Variants in HYLS1 observed in about 807,000 individuals in gnomAD.
HYLS1 encodes the protein centriolar and ciliogenesis-associated protein HYLS1.
Under a neutral mutation model 29.4 loss-of-function variants are expected in HYLS1, and 25 were observed. That is an observed-to-expected ratio of 0.85 (90% CI 0.62 to 1.19). The LOEUF (loss-of-function observed/expected upper bound fraction) is 1.19. HYLS1 is among the 50% of genes most tolerant of loss of function. The probability of loss-of-function intolerance (pLI) is 0.00; values close to 1 mark genes in which losing one functional copy is unlikely to be tolerated. For missense variants in HYLS1, 352 were observed against 365.1 expected (o/e 0.96, Z 0.29); for synonymous variants, 128 against 126.7 (o/e 1.01, Z -0.07).
chr11:125,891,084 C>T (rs1434212997), intron 1 of HYLS1, among the ~76,000 whole-genome samples: 1 of 152,096 alleles, frequency 6.6e-6, no homozygotes, highest in Non-Finnish European at 1.5e-5. Context: ...TAGTCCTTAC[C>T]ATGGGCCAGA....
intron 2 of HYLS1, among the ~76,000 whole-genome samples, chr11:125,898,444 G>A (rs1173816929): frequency 1.3e-5 from 2 of 152,200 alleles, no homozygotes; most frequent in East Asian, 3.8e-4. Flanking sequence ...GGAGGCCGAG[G>A]CGGGTGGGTT....
At chr11:125,885,512 T>A (rs192890749), upstream of HYLS1, among the ~76,000 whole-genome samples, 367 of 152,098 alleles carry the variant, frequency 2.4e-3, 1 homozygote, top group Non-Finnish European at 3.9e-3. Flanking sequence ...AGAATGCTGA[T>A]GTTCAAAGCT....
In HYLS1 at chr11:125,890,771, G is replaced by C. The variant is rs11220266; in HGVS notation, c.-75-652G>C. 8.0e-3 allele frequency among the ~76,000 whole-genome samples: 1,216 copies of C among 152,280 alleles called. 19 individuals are homozygous for C. Among genetic ancestry groups the C allele is most frequent in the African/African-American group, 0.025 (1,042 of 41,562 alleles). ...TGTTCGATCTTTTATATTAGAAAGA[G>C]AAGGAACTGACAGTTACCTATGGAC... On this transcript the variant is annotated intron_variant, in intron 1 of 2. Transcript: ENST00000425380.
At chr11:125,897,809 T>G (rs1328240350) in intron 2 of HYLS1, among the ~76,000 whole-genome samples, 1 of 152,160 alleles carries the variant, frequency 6.6e-6, no homozygotes, top group Non-Finnish European at 1.5e-5. Flanking sequence ...CTGTCAAAAT[T>G]GAATATACAC....
intron 2 of HYLS1, among the ~76,000 whole-genome samples, chr11:125,898,302 A>G (rs1944651611): frequency 6.6e-6 from 1 of 152,222 alleles, no homozygotes; most frequent in African/African-American, 2.4e-5. Context: ...TCAGGAAACT[A>G]GCATTGGGTA....
intron 2 of HYLS1, among the ~76,000 whole-genome samples, chr11:125,898,781 T>C (rs1944668811): frequency 6.6e-6 from 1 of 151,846 alleles, no homozygotes; most frequent in Admixed American, 6.6e-5. Context: ...TTTTTTTAGA[T>C]CAAATCACTC....
chr11:125,885,294 T>C (rs922979560), upstream of HYLS1, among the ~76,000 whole-genome samples: 4 of 151,786 alleles, frequency 2.6e-5, no homozygotes, highest in African/African-American at 7.3e-5. Flanking sequence ...CTACTAAAAA[T>C]ACAAAAATTA....
At chr11:125,896,384 G>T in intron 2 of HYLS1, 1 of 1,159,214 alleles carries the variant, frequency 8.6e-7, no homozygotes, top group Non-Finnish European at 1.2e-6. Context: ...CTTTGATGAT[G>T]TTCTAATGGT....
upstream of HYLS1, among the ~76,000 whole-genome samples, chr11:125,885,670 G>T (rs1203458323): frequency 6.6e-6 from 1 of 152,202 alleles, no homozygotes; most frequent in Non-Finnish European, 1.5e-5. Context: ...CTAAAACAAA[G>T]GTCCCCAACC....
chr11:125,900,107 T>G lies in HYLS1; in HGVS notation c.739T>G (p.Cys247Gly), dbSNP rs1312677794. ...CTGGGGTGTCCGAGAGCAGATGCTT[T>G]GTCGAGCAGAACCCCAATCCAAACC... ...LRWGVREQML[C>G]RAEPQSKPQH... The change falls in exon 3 of 3, where the codon TGT becomes GGT. Residue 247 changes from cysteine (C) to glycine (G), a missense_variant. Cys to Gly is a radical substitution (Grantham distance 159). Transcript: ENST00000425380. 6.2e-7 allele frequency: 1 copy of G among 1,614,192 alleles called. No homozygotes were observed. Among genetic ancestry groups the G allele is most frequent in the South Asian group, 1.1e-5 (1 of 91,078 alleles).
At chr11:125,896,378 G>C (rs1344322238) in intron 2 of HYLS1, 1 of 1,221,894 alleles carries the variant, frequency 8.2e-7, no homozygotes, top group East Asian at 2.3e-5. Context: ...TAGTTCCTTT[G>C]ATGATGTTCT....
At chr11:125,889,093 A>C (rs1944363359) in intron 1 of HYLS1, among the ~76,000 whole-genome samples, 2 of 152,176 alleles carry the variant, frequency 1.3e-5, no homozygotes, top group Non-Finnish European at 2.9e-5. Flanking sequence ...GCATGTTACA[A>C]ATATAATAAA....
chr11:125,888,869 G>A (rs1193293317), intron 1 of HYLS1, among the ~76,000 whole-genome samples: 1 of 151,690 alleles, frequency 6.6e-6, no homozygotes, highest in Admixed American at 6.6e-5. Context: ...TTATTCCAAG[G>A]ACATAAATCG....
At chr11:125,898,242 T>C (rs1402522484) in intron 2 of HYLS1, among the ~76,000 whole-genome samples, 1 of 152,044 alleles carries the variant, frequency 6.6e-6, no homozygotes, top group African/African-American at 2.4e-5. Context: ...AAAAGAAAAA[T>C]AGTGGGGACA....
intron 2 of HYLS1, among the ~76,000 whole-genome samples, chr11:125,898,541 G>A (rs1944660977): frequency 6.6e-6 from 1 of 152,040 alleles, no homozygotes; most frequent in Admixed American, 6.6e-5. Context: ...CAGGCGTGGT[G>A]GCCCACACCT....
chr11:125,893,683 T>A lies in HYLS1; in HGVS notation c.-26+2211T>A. The A allele has an allele frequency of 4.9e-6, 4 of 823,014 alleles. No homozygotes were observed. In the South Asian group the frequency reaches 1.2e-4, roughly 25 times the overall value. 51.0% of individuals were successfully genotyped at this position (823,014 alleles called of 1,614,324 possible). On this transcript the variant is annotated intron_variant, in intron 2 of 2. Transcript: ENST00000425380. ...TTGCTTTTTTTTTTCTTTTAAGAGC[T>A]GATCATCTGAATTCCTAGTACTTGC...
chr11:125,894,122 T>C, intron 2 of HYLS1: 1 of 1,614,152 alleles, frequency 6.2e-7, no homozygotes, highest in Non-Finnish European at 8.5e-7. Context: ...TGGAACAGTG[T>C]CCAGTCCTTG....
chr11:125,886,285 T>C (rs1216531746), upstream of HYLS1, among the ~76,000 whole-genome samples: 1 of 152,128 alleles, frequency 6.6e-6, no homozygotes, highest in African/African-American at 2.4e-5. Context: ...CAAAGTGCCT[T>C]AGAGGTAGCA....
At chr11:125,895,839 G>A (rs1452717934) in intron 2 of HYLS1, 1 of 1,581,632 alleles carries the variant, frequency 6.3e-7, no homozygotes, top group Non-Finnish European at 8.6e-7. Flanking sequence ...AATAATCTCA[G>A]TACTCAGTGT....
Sources: allele counts gnomAD v4.1 joint callset (sites outside exome capture counted in the v4.1 genomes callset), GRCh38; gene constraint gnomAD v4.1.1; transcripts MANE v1.5; gene names NCBI Gene and HGNC (gene_info 2026-07-23, HGNC 2026-07-21).